The following TRMT44 variants were observed in gnomAD, a reference collection of about 807,000 sequenced individuals.
TRMT44 encodes tRNA methyltransferase 44 homolog.
In TRMT44, 78 loss-of-function variants were observed where a neutral mutation model predicts 77.3. The observed-to-expected ratio is 1.01, with a 90% CI of 0.84 to 1.22. TRMT44 has a LOEUF of 1.22. Ranked by LOEUF, TRMT44 falls within the 50% of genes most tolerant of loss-of-function variation. TRMT44 has a pLI of 0.00. For missense variants in TRMT44, 1,090 were observed against 964.4 expected (o/e 1.13, Z -1.73); for synonymous variants, 391 against 383.3 (o/e 1.02, Z -0.23).
At chr4:8,442,124 T>G (rs1485837356) in intron 1 of TRMT44, among the ~76,000 whole-genome samples, 1 of 152,224 alleles carries the variant, frequency 6.6e-6, no homozygotes, top group Non-Finnish European at 1.5e-5. Flanking sequence ...TTGAACACAG[T>G]GTTTATAGGT....
At chr4:8,453,627 T>G (rs1490536305) in intron 5 of TRMT44, 1 of 152,458 alleles carries the variant, frequency 6.6e-6, no homozygotes, top group East Asian at 1.9e-4. Flanking sequence ...ACTCTTGGGC[T>G]GAGAGCGGCA....
At chr4:8,472,114 G>T (rs1401131333) in intron 10 of TRMT44, among the ~76,000 whole-genome samples, 2 of 151,886 alleles carry the variant, frequency 1.3e-5, no homozygotes, top group Admixed American at 1.3e-4. Flanking sequence ...AGAATAGTAG[G>T]TGTCTTCTTG....
intron 7 of TRMT44, 98 bp downstream of exon 7, chr4:8,464,189 C>A: frequency 1.2e-6 from 1 of 859,630 alleles, no homozygotes; most frequent in Non-Finnish European, 1.8e-6. Context: ...GTGCAGTTGT[C>A]AAGCACTTGA....
intron 10 of TRMT44, among the ~76,000 whole-genome samples, chr4:8,472,760 T>G (rs1399107398): frequency 2.0e-5 from 3 of 152,168 alleles, no homozygotes; most frequent in African/African-American, 7.2e-5. Context: ...GAGTAGACAC[T>G]GGGCCTGCAG....
At chr4:8,480,774 C>G (rs181869650), downstream of TRMT44, among the ~76,000 whole-genome samples, 2 of 152,294 alleles carry the variant, frequency 1.3e-5, no homozygotes, top group African/African-American at 4.8e-5. Context: ...GAGTCCTGCC[C>G]TGCAAATCAG....
chr4:8,508,453 C>G, the TRMT44 span, among the ~76,000 whole-genome samples: 1 of 152,210 alleles, frequency 6.6e-6, no homozygotes, highest in Non-Finnish European at 1.5e-5. Context: ...GCCCCCTCCC[C>G]AAGTGACCCC....
Position 8,468,231 on chromosome 4 carries a change from G to GC in TRMT44, c.1814dup (p.Arg606ThrfsTer5). 6.2e-7 allele frequency: 1 copy of GC among 1,614,256 alleles called. No homozygotes were observed. Among genetic ancestry groups the GC allele is most frequent in the South Asian group, 1.1e-5 (1 of 91,088 alleles). ...AGCGTGTGAGGAACTGTGCCGCCCT[G>GC]CCACGAGATTTTATTGACCAAGTGG... On this transcript the variant is annotated frameshift_variant, in exon 9 of 11. Coordinates refer to ENST00000389737, the MANE Select transcript of TRMT44 (RefSeq NM_152544.3). LOFTEE classifies it high-confidence loss of function.
Position 8,452,758 on chromosome 4 carries a change from T to A in TRMT44, c.1024-124T>A. The A allele has an allele frequency of 5.8e-6, 3 of 514,732 alleles. No individual in the cohort carries two copies. The highest frequency in any genetic ancestry group is 3.5e-5 in the East Asian group (1 of 28,312). The allele number at this position is 514,732 out of a possible 1,614,324, so 31.9% of individuals were successfully genotyped here. A position where few individuals can be genotyped will look rare whatever the true frequency, so the allele number is the denominator to read the frequency against. On this transcript the variant is annotated intron_variant, in intron 4 of 10. Transcript: ENST00000389737. The surrounding 1 kb of genome is among the most constrained non-coding windows in gnomAD (Gnocchi z 5.7). ...TCAAAAAAAGAAAAAAAAAAAAGAA[T>A]GTTTAGTGTAGATGATTTCAAGTTT...
rs546883355 is a variant in TRMT44, at chr4:8,483,988, A to C, written n.3891+4455A>C. ...GTAGGGAAGGGAGGGGGCCTGAATA[A>C]TCCCTGAGGAGTAGTAGAATAGCAG... is the stretch of plus-strand genomic sequence containing the variant. On this transcript the variant is annotated intron_variant and non_coding_transcript_variant, in intron 2 of 2. Coordinates refer to the TRMT44 transcript ENST00000511366. Among the ~76,000 whole-genome samples the C allele has an allele frequency of 2.2e-4, 33 of 152,284 alleles. 1 individual carries two copies. The highest frequency in any genetic ancestry group is 7.0e-4 in the African/African-American group (29 of 41,550).
intron 10 of TRMT44, among the ~76,000 whole-genome samples, chr4:8,471,527 C>T (rs968139416): frequency 1.3e-5 from 2 of 152,254 alleles, no homozygotes; most frequent in African/African-American, 4.8e-5. Flanking sequence ...TGGCCGGTCC[C>T]CTGTTGGCTG....
At chr4:8,486,198 T>C (rs1727798893) in intron 2 of TRMT44, among the ~76,000 whole-genome samples, 1 of 152,194 alleles carries the variant, frequency 6.6e-6, no homozygotes, top group African/African-American at 2.4e-5. Flanking sequence ...AATCTCGGGC[T>C]GCGGGCATTC....
chr4:8,469,893 G>A (rs1365371886), intron 9 of TRMT44, among the ~76,000 whole-genome samples: 1 of 152,252 alleles, frequency 6.6e-6, no homozygotes, highest in Non-Finnish European at 1.5e-5. Flanking sequence ...CTGTCTCCAG[G>A]ACCTCACCCA....
At chr4:8,477,408 C>T (rs1443378359), downstream of TRMT44, 1 of 152,314 alleles carries the variant, frequency 6.6e-6, no homozygotes, top group Non-Finnish European at 1.5e-5. Flanking sequence ...TACTGGGAGA[C>T]TGGCGCTCCG....
chr4:8,506,093 G>A, the TRMT44 span, among the ~76,000 whole-genome samples: 1 of 152,248 alleles, frequency 6.6e-6, no homozygotes. Flanking sequence ...TGGGGACGAG[G>A]GCTGTGTGGC....
intron 2 of TRMT44, among the ~76,000 whole-genome samples, chr4:8,487,504 G>A (rs1475987532): frequency 2.6e-5 from 4 of 151,808 alleles, no homozygotes; most frequent in South Asian, 2.1e-4. Flanking sequence ...AGAGGTCGGG[G>A]TGCAGAAATA....
downstream of TRMT44, chr4:8,479,365 G>A (rs1727541850): frequency 6.9e-6 from 1 of 143,890 alleles, no homozygotes; most frequent in African/African-American, 2.4e-5. Context: ...GAAATGCGTT[G>A]TTAGGTGATT....
At chr4:8,465,598 C>G in intron 8 of TRMT44, 37 bp downstream of exon 8, 1 of 1,568,540 alleles carries the variant, frequency 6.4e-7, no homozygotes, top group Non-Finnish European at 8.7e-7. Flanking sequence ...GGCGGTGTGT[C>G]GGTGTTCAGA....
At chr4:8,486,391 C>T (rs1036944033) in intron 2 of TRMT44, among the ~76,000 whole-genome samples, 16 of 152,070 alleles carry the variant, frequency 1.1e-4, no homozygotes, top group African/African-American at 2.4e-5. Flanking sequence ...TACTTGGCTG[C>T]CTCTATTATT....
intron 3 of TRMT44, 63 bp downstream of exon 3, chr4:8,449,951 T>TTTCTTTTA: frequency 1.6e-4 from 44 of 274,274 alleles, no homozygotes; most frequent in Non-Finnish European, 2.2e-4. Context: ...TTTCTTTTCT[T>TTTCTTTTA]TTTTTTTTTT....
Sources: allele counts gnomAD v4.1 joint callset (sites outside exome capture counted in the v4.1 genomes callset), GRCh38; gene constraint gnomAD v4.1.1; non-coding constraint Gnocchi (gnomAD v3.1); transcripts MANE v1.5; gene names NCBI Gene and HGNC (gene_info 2026-07-23, HGNC 2026-07-21).